Variants in ELF2 observed in about 807,000 individuals in gnomAD.
ELF2 encodes ETS-related transcription factor Elf-2.
ELF2 carries 11 observed loss-of-function variants against 54.8 expected under a neutral mutation model. That is an observed-to-expected ratio of 0.20 (90% confidence interval 0.13 to 0.33). ELF2 has a LOEUF of 0.33. Among genes scored for constraint, ELF2 ranks in the 10% least tolerant of loss-of-function variants. The probability of loss-of-function intolerance (pLI) is 1.00; values close to 1 mark genes in which losing one functional copy is unlikely to be tolerated. For synonymous variants in ELF2, 203 were observed against 245.1 expected (o/e 0.83, Z 1.61); for missense variants, 513 against 703.0 (o/e 0.73, Z 3.06).
At chr4:139,146,888 A>G (rs1739275221) in intron 1 of ELF2, among the ~76,000 whole-genome samples, 1 of 152,232 alleles carries the variant, frequency 6.6e-6, no homozygotes, top group Non-Finnish European at 1.5e-5. Context: ...AGATAGATCA[A>G]AGATTTAAAT....
intron 5 of ELF2, 22 bp from the exon 6 acceptor site, chr4:139,072,061 T>C (rs1560769356): frequency 1.5e-5 from 24 of 1,606,294 alleles, no homozygotes; most frequent in Non-Finnish European, 2.0e-5. Context: ...AGTTGAAAAA[T>C]TAAAATTTCC....
chr4:139,069,960 C>G (rs1309696040), intron 6 of ELF2, among the ~76,000 whole-genome samples: 6 of 151,924 alleles, frequency 3.9e-5, no homozygotes, highest in Admixed American at 3.9e-4. Context: ...CCTGCCTCAG[C>G]CTCCCGAGTA....
chr4:139,107,911 T>C (rs921534437), intron 4 of ELF2, among the ~76,000 whole-genome samples: 1 of 152,036 alleles, frequency 6.6e-6, no homozygotes, highest in Admixed American at 6.6e-5. Context: ...GGCTGAGTTT[T>C]TAGGCAAAGT....
intron 4 of ELF2, among the ~76,000 whole-genome samples, chr4:139,096,237 G>T (rs879796973): frequency 1.3e-5 from 2 of 152,124 alleles, no homozygotes; most frequent in Non-Finnish European, 2.9e-5. Flanking sequence ...GAGTTGGAAA[G>T]CTTTCCCTCT....
At chr4:139,157,021 TA>T (rs1369892123) in intron 1 of ELF2, among the ~76,000 whole-genome samples, 1 of 152,200 alleles carries the variant, frequency 6.6e-6, no homozygotes, top group African/African-American at 2.4e-5. Flanking sequence ...AAGGCATCCT[TA>T]GGTCCTTAGG....
intron 9 of ELF2, 148 bp from the exon 10 acceptor site, chr4:139,059,755 A>T: frequency 3.5e-6 from 3 of 862,022 alleles, no homozygotes; most frequent in Non-Finnish European, 1.8e-6. Context: ...GATGTTTGAC[A>T]CAAACATACC....
intron 1 of ELF2, among the ~76,000 whole-genome samples, chr4:139,163,391 GGAGA>G (rs1331889217): frequency 1.3e-5 from 2 of 152,096 alleles, no homozygotes; most frequent in African/African-American, 4.8e-5. Flanking sequence ...TCAGTAAGCA[GGAGA>G]GAGAAATATA....
At chr4:139,083,186 G>C (rs1008626595) in intron 4 of ELF2, among the ~76,000 whole-genome samples, 3 of 152,114 alleles carry the variant, frequency 2.0e-5, no homozygotes, top group East Asian at 1.9e-4. Flanking sequence ...AGGTTTGGGG[G>C]GGGGTAGAGG....
intron 6 of ELF2, 57 bp from the exon 7 acceptor site, chr4:139,067,827 C>G: frequency 6.8e-7 from 1 of 1,467,232 alleles, no homozygotes; most frequent in Non-Finnish European, 9.3e-7. Context: ...ATGAGAGGCA[C>G]GATTAGCAGA....
chr4:139,177,200 G>T lies in ELF2; in HGVS notation c.-485C>A, dbSNP rs930733259. ...GCCTAGGCGACGGCGGCGACACAGA[G>T]CTTGGCGCTGGGAGCAATGGTTGCC... On this transcript the variant is annotated 5_prime_UTR_variant, in exon 1 of 10. Coordinates refer to ENST00000686138, the MANE Select transcript of ELF2 (RefSeq NM_001331036.3). 6.6e-5 allele frequency: 10 copies of T among 151,244 alleles called. No individual in the cohort carries two copies. Among genetic ancestry groups the T allele is most frequent in the African/African-American group, 2.4e-4 (10 of 41,130 alleles). 9.4% of individuals were successfully genotyped at this position (151,244 alleles called of 1,614,324 possible). A position where few individuals can be genotyped will look rare whatever the true frequency, so the allele number is the denominator to read the frequency against.
chr4:139,084,064 C>A, intron 4 of ELF2: 4 of 1,608,962 alleles, frequency 2.5e-6, no homozygotes, highest in Non-Finnish European at 2.5e-6. Context: ...ACAGGGGAGT[C>A]ACCCCGCCTT....
At chr4:139,102,841 C>CA (rs1300011281) in intron 4 of ELF2, among the ~76,000 whole-genome samples, 5 of 150,994 alleles carry the variant, frequency 3.3e-5, no homozygotes, top group Admixed American at 6.6e-5. Context: ...ACTCCATCTC[C>CA]AAAAAAAAGA....
chr4:139,134,532 G>A (rs1737893161), intron 3 of ELF2, among the ~76,000 whole-genome samples: 2 of 145,018 alleles, frequency 1.4e-5, no homozygotes, highest in South Asian at 2.2e-4. Context: ...AGTATTTATT[G>A]TATTGTATTG....
chr4:139,161,151 T>C (rs1247203691), intron 1 of ELF2, among the ~76,000 whole-genome samples: 1 of 152,154 alleles, frequency 6.6e-6, no homozygotes, highest in East Asian at 1.9e-4. Context: ...CTATTCAGAT[T>C]GGTTTAGATA....
chr4:139,122,243 A>G (rs943916203), intron 4 of ELF2, among the ~76,000 whole-genome samples: 4 of 152,152 alleles, frequency 2.6e-5, no homozygotes, highest in African/African-American at 9.7e-5. Context: ...CAATTCCCCC[A>G]ATTCACCAAA....
chr4:139,161,413 G>A (rs547825129), intron 1 of ELF2, among the ~76,000 whole-genome samples: 123 of 152,182 alleles, frequency 8.1e-4, no homozygotes, highest in Non-Finnish European at 1.4e-3. Context: ...CCTAAAAACA[G>A]AATAGTCTTT....
At chr4:139,158,041 C>T (rs1226006238) in intron 1 of ELF2, among the ~76,000 whole-genome samples, 1 of 152,124 alleles carries the variant, frequency 6.6e-6, no homozygotes, top group Non-Finnish European at 1.5e-5. Context: ...TTTATTTCAC[C>T]TGGGTGCAGG....
chr4:139,071,853 A>G lies in ELF2; in HGVS notation c.526+13T>C. On this transcript the variant is annotated intron_variant, in intron 6 of 9. Transcript: ENST00000686138. ...TTCACCTGCCTTCTCAGAAATGTAT[A>G]AATATACTCTACCTTTTTTCTTTTT... The G allele has an allele frequency of 1.3e-6, 2 of 1,576,554 alleles. No homozygotes were observed. Among genetic ancestry groups the G allele is most frequent in the Admixed American group, 2.1e-5 (1 of 47,406 alleles).
intron 4 of ELF2, chr4:139,114,988 G>A (rs1037821146): frequency 2.2e-5 from 36 of 1,613,696 alleles, no homozygotes; most frequent in Non-Finnish European, 3.0e-5. Context: ...CAGCAGACCA[G>A]AAATGAAGGC....
Sources: gnomAD v4.1 joint callset for allele counts (sites outside exome capture counted in the v4.1 genomes callset) on GRCh38, gnomAD v4.1.1 for gene constraint, MANE v1.5 for transcripts, NCBI Gene and HGNC (gene_info 2026-07-23, HGNC 2026-07-21) for gene names.